FAM227B: variants seen among roughly 807,000 people sequenced by gnomAD.
The protein encoded by FAM227B is protein FAM227B.
Under a neutral mutation model 73.8 loss-of-function variants are expected in FAM227B, and 88 were observed. The ratio of observed to expected loss-of-function variants is 1.19; its 90% CI spans 1.00 to 1.42. The LOEUF (loss-of-function observed/expected upper bound fraction) is 1.42, where lower values mean the gene tolerates loss of function less well. FAM227B is among the 40% of genes most tolerant of loss of function. The pLI is 0.00. For missense variants in FAM227B, 632 were observed against 590.9 expected, an observed-to-expected ratio of 1.07 and a Z score of -0.72; for synonymous variants, 210 against 190.5, an observed-to-expected ratio of 1.10 and a Z score of -0.84.
chr15:49,510,097 T>C (rs2058875988), intron 10 of FAM227B, among the ~76,000 whole-genome samples: 1 of 152,094 alleles, frequency 6.6e-6, no homozygotes, highest in South Asian at 2.1e-4. Flanking sequence ...TATTGTTACA[T>C]TTTGATGTAT....
rs184047330 is a variant in FAM227B at position 49,557,719 on chromosome 15, T to C, written c.747+10526A>G. On this transcript the variant is annotated intron_variant, in intron 9 of 15. Transcript: ENST00000299338. The stretch of plus-strand genomic sequence containing the variant: ...TGAGTGAGAGTCCTGAGGGGATCTA[T>C]ACTTCTGTGATAGACCTTTGCAATC... Among the ~76,000 whole-genome samples, 728 of 152,244 alleles carry C rather than the reference T, an allele frequency of 4.8e-3. 9 individuals carry two copies. The highest frequency in any genetic ancestry group is 8.4e-3 in the Non-Finnish European group (569 of 68,016).
intron 11 of FAM227B, among the ~76,000 whole-genome samples, chr15:49,465,716 C>T (rs1036478785): frequency 6.6e-6 from 1 of 152,088 alleles, no homozygotes; most frequent in African/African-American, 2.4e-5. Flanking sequence ...GAATTTTGTG[C>T]TTATTTAATT....
At chr15:49,590,661 C>T (rs1326816335) in intron 3 of FAM227B, among the ~76,000 whole-genome samples, 1 of 152,062 alleles carries the variant, frequency 6.6e-6, no homozygotes, top group African/African-American at 2.4e-5. Context: ...ATATCCATCA[C>T]CTCACAGAGT....
At chr15:49,501,450 T>A (rs950558033) in intron 11 of FAM227B, among the ~76,000 whole-genome samples, 1 of 152,220 alleles carries the variant, frequency 6.6e-6, no homozygotes, top group African/African-American at 2.4e-5. Context: ...TGTGAAAGCT[T>A]GAACTTCAGA....
intron 5 of FAM227B, among the ~76,000 whole-genome samples, chr15:49,582,285 A>C (rs1267464140): frequency 6.6e-6 from 1 of 152,230 alleles, no homozygotes; most frequent in Non-Finnish European, 1.5e-5. Flanking sequence ...GAAATGGAAA[A>C]AAATTTACCA....
At chr15:49,384,032 C>T (rs2046715441) in intron 11 of FAM227B, among the ~76,000 whole-genome samples, 1 of 152,066 alleles carries the variant, frequency 6.6e-6, no homozygotes, top group Non-Finnish European at 1.5e-5. Flanking sequence ...TACTTCTGTC[C>T]TCCTAAGGAA....
At chr15:49,465,642 C>T (rs1405770326) in intron 11 of FAM227B, among the ~76,000 whole-genome samples, 1 of 151,978 alleles carries the variant, frequency 6.6e-6, no homozygotes, top group African/African-American at 2.4e-5. Flanking sequence ...GGGGTTCTCT[C>T]AACTTTTTTG....
chr15:49,546,632 CTT>C (rs1187817996), intron 9 of FAM227B, among the ~76,000 whole-genome samples: 1 of 152,194 alleles, frequency 6.6e-6, no homozygotes, highest in Non-Finnish European at 1.5e-5. Context: ...TGTTTCCTAA[CTT>C]TTTAATGATC....
chr15:49,335,317 T>C, intron 14 of FAM227B, 102 bp downstream of exon 14: 1 of 712,730 alleles, frequency 1.4e-6, no homozygotes, highest in Non-Finnish European at 2.4e-6. Flanking sequence ...CAGACATGAC[T>C]CTCCTCATCA....
intron 11 of FAM227B, among the ~76,000 whole-genome samples, chr15:49,504,501 GT>G (rs775153837): frequency 2.6e-5 from 4 of 151,916 alleles, no homozygotes; most frequent in Non-Finnish European, 5.9e-5. Flanking sequence ...CACCACTCGC[GT>G]TCCCTGAAGC....
intron 11 of FAM227B, among the ~76,000 whole-genome samples, chr15:49,498,492 A>T (rs778501567): frequency 4.6e-5 from 7 of 152,240 alleles, no homozygotes; most frequent in Non-Finnish European, 8.8e-5. Context: ...TTAAAATTTG[A>T]GCAATGAATT....
At chr15:49,583,165 GAGA>G (rs1026778714) in intron 5 of FAM227B, among the ~76,000 whole-genome samples, 1 of 147,596 alleles carries the variant, frequency 6.8e-6, no homozygotes, top group Non-Finnish European at 1.5e-5. Flanking sequence ...AAAAAAAATT[GAGA>G]AGATCAACAA....
At chr15:49,596,045 G>A (rs12900911) in intron 3 of FAM227B, among the ~76,000 whole-genome samples, 18,954 of 151,884 alleles carry the variant, frequency 0.12, 1,476 homozygotes, top group East Asian at 0.36. Context: ...CTTACTTGAG[G>A]GAATAATCAA....
intron 3 of FAM227B, among the ~76,000 whole-genome samples, chr15:49,600,663 A>AAG (rs1555567191): frequency 6.6e-6 from 1 of 150,948 alleles, no homozygotes; most frequent in Admixed American, 6.6e-5. Context: ...TCAAAAAAAA[A>AAG]AAAAAAATCC....
chr15:49,479,599 G>GTTTTTTTGTTTTTTTTT (rs2055712240), intron 11 of FAM227B, among the ~76,000 whole-genome samples: 2 of 63,292 alleles, frequency 3.2e-5, no homozygotes, highest in African/African-American at 1.3e-4. Context: ...TAATACCTCT[G>GTTTTTTTGTTTTTTTTT]TTTTTTTTTT....
At chr15:49,418,481 T>C (rs2049368763) in intron 11 of FAM227B, among the ~76,000 whole-genome samples, 1 of 152,188 alleles carries the variant, frequency 6.6e-6, no homozygotes, top group Admixed American at 6.5e-5. Flanking sequence ...TTTGCAGCCA[T>C]CATGTCCTTT....
chr15:49,405,824 T>C (rs571278316), intron 11 of FAM227B, among the ~76,000 whole-genome samples: 2 of 152,350 alleles, frequency 1.3e-5, no homozygotes, highest in Admixed American at 6.5e-5. Flanking sequence ...GAAGGCACTC[T>C]GGCTTTTTGA....
At chr15:49,378,314 A>AT (rs545798365) in intron 11 of FAM227B, among the ~76,000 whole-genome samples, 120 of 140,846 alleles carry the variant, frequency 8.5e-4, no homozygotes, top group East Asian at 1.9e-3. Flanking sequence ...TTCTTTTAGG[A>AT]TTTTTTTTTT....
intron 13 of FAM227B, among the ~76,000 whole-genome samples, chr15:49,352,813 C>T (rs1268304364): frequency 6.6e-6 from 1 of 152,146 alleles, no homozygotes; most frequent in African/African-American, 2.4e-5. Flanking sequence ...AGTTCCCTAT[C>T]TTGCAAAGCC....
Sources: gnomAD v4.1 joint callset for allele counts (sites outside exome capture counted in the v4.1 genomes callset) on GRCh38, gnomAD v4.1.1 for gene constraint, MANE v1.5 for transcripts, NCBI Gene and HGNC (gene_info 2026-07-23, HGNC 2026-07-21) for gene names.